The following ANO6 variants were observed in gnomAD, a reference collection of about 807,000 sequenced individuals.
ANO6 encodes the protein anoctamin 6.
ANO6 carries 106 observed loss-of-function variants against 117.5 expected under a neutral mutation model. The observed-to-expected ratio is 0.90, with a 90% CI of 0.77 to 1.06. ANO6 has a LOEUF of 1.06. Ranked by LOEUF, ANO6 falls within the 50% of genes least tolerant of loss-of-function variation. The pLI, the probability that ANO6 is intolerant of heterozygous loss-of-function variation, is 0.00. For missense variants in ANO6, 955 were observed against 1,121.1 expected, an observed-to-expected ratio of 0.85 and a Z score of 2.12; for synonymous variants, 367 against 385.1, an observed-to-expected ratio of 0.95 and a Z score of 0.55.
chr12:45,233,554 TA>T (rs1205598479), intron 1 of ANO6, among the ~76,000 whole-genome samples: 2 of 152,220 alleles, frequency 1.3e-5, no homozygotes, highest in Non-Finnish European at 2.9e-5. Context: ...AGATCAAGTA[TA>T]AGAAATATTA....
chr12:45,329,405 G>A (rs1467263872), intron 2 of ANO6, among the ~76,000 whole-genome samples: 1 of 152,054 alleles, frequency 6.6e-6, no homozygotes, highest in Non-Finnish European at 1.5e-5. Flanking sequence ...TTACACACAG[G>A]CAAATGTTGC....
At chr12:45,254,031 G>C (rs535143120) in intron 1 of ANO6, among the ~76,000 whole-genome samples, 34 of 152,170 alleles carry the variant, frequency 2.2e-4, no homozygotes, top group Non-Finnish European at 4.3e-4. Flanking sequence ...GCTGGGCATG[G>C]TGGTGTGCGT....
At chr12:45,354,534 G>A (rs1941362814) in intron 7 of ANO6, among the ~76,000 whole-genome samples, 1 of 152,126 alleles carries the variant, frequency 6.6e-6, no homozygotes. Context: ...ACACAGTTCT[G>A]TGATGGGGCT....
intron 2 of ANO6, among the ~76,000 whole-genome samples, chr12:45,306,987 G>A (rs900717455): frequency 2.2e-4 from 33 of 151,994 alleles, no homozygotes; most frequent in Admixed American, 8.5e-4. Context: ...AACAGGTTTC[G>A]AGGTAGGTGA....
rs1406467778 is a variant in ANO6 at position 45,421,281 on chromosome 12, C to T, written c.2420+8C>T. 8 of 1,613,390 alleles carry T rather than the reference C, an allele frequency of 5.0e-6. No individual in the cohort carries two copies. The highest frequency in any genetic ancestry group is 5.9e-6 in the Non-Finnish European group (7 of 1,179,536). On this transcript the variant is annotated splice_region_variant and intron_variant, in intron 18 of 19. Coordinates refer to ENST00000320560, the MANE Select transcript of ANO6 (RefSeq NM_001025356.3). ...TAACCATACCACATGCAGGCAAGTT[C>T]TGCTTTACTTGTTTAAAAATGCACT...
chr12:45,375,263 A>G lies in ANO6; in HGVS notation c.1105-2790A>G, dbSNP rs185002033. On this transcript the variant is annotated intron_variant, in intron 9 of 19. Transcript: ENST00000320560. ...ATTGGTAGGAAGAATCAATATCGTGAAAATGGCCATACTTCCCAAGGTAAT... is the reference window on the plus strand; with the variant it reads ...ATTGGTAGGAAGAATCAATATCGTGGAAATGGCCATACTTCCCAAGGTAAT... 6.7e-3 allele frequency among the ~76,000 whole-genome samples: 1,020 copies of G among 152,346 alleles called. 10 individuals are homozygous for G. Among genetic ancestry groups the G allele is most frequent in the Non-Finnish European group, 0.01 (693 of 68,034 alleles).
At chr12:45,243,904 G>A (rs566721219) in intron 1 of ANO6, among the ~76,000 whole-genome samples, 1 of 152,322 alleles carries the variant, frequency 6.6e-6, no homozygotes, top group African/African-American at 2.4e-5. Context: ...TTCAGGCATA[G>A]TATAGATTGC....
intron 12 of ANO6, among the ~76,000 whole-genome samples, chr12:45,394,445 G>C (rs1264201387): frequency 6.6e-6 from 1 of 152,118 alleles, no homozygotes; most frequent in East Asian, 1.9e-4. Flanking sequence ...CAAGACAGAA[G>C]GTTAACAAGG....
At chr12:45,382,288 G>A (rs1942188731) in intron 10 of ANO6, among the ~76,000 whole-genome samples, 2 of 152,058 alleles carry the variant, frequency 1.3e-5, no homozygotes, top group South Asian at 2.1e-4. Flanking sequence ...TCTTTCTATC[G>A]GAAAAATAAG....
At chr12:45,381,768 AT>A (rs1202540397) in intron 10 of ANO6, among the ~76,000 whole-genome samples, 1 of 152,140 alleles carries the variant, frequency 6.6e-6, no homozygotes, top group African/African-American at 2.4e-5. Flanking sequence ...AAACAGAAGC[AT>A]TTTACCCAGT....
intron 1 of ANO6, among the ~76,000 whole-genome samples, chr12:45,282,448 T>C (rs902265793): frequency 2.6e-5 from 4 of 152,132 alleles, no homozygotes; most frequent in Non-Finnish European, 5.9e-5. Context: ...TGGAAGACCC[T>C]CTAAGAGAAT....
intron 2 of ANO6, among the ~76,000 whole-genome samples, chr12:45,321,495 A>G (rs1940269112): frequency 6.6e-6 from 1 of 152,178 alleles, no homozygotes; most frequent in African/African-American, 2.4e-5. Flanking sequence ...CATTACCTTC[A>G]GTCTCAACAG....
intron 1 of ANO6, among the ~76,000 whole-genome samples, chr12:45,221,177 C>T (rs1033545829): frequency 6.6e-6 from 1 of 152,176 alleles, no homozygotes; most frequent in Non-Finnish European, 1.5e-5. Context: ...CATTGCTGAA[C>T]AACTACTTGC....
At chr12:45,370,040 T>A (rs1941784035) in intron 9 of ANO6, among the ~76,000 whole-genome samples, 1 of 152,250 alleles carries the variant, frequency 6.6e-6, no homozygotes, top group Non-Finnish European at 1.5e-5. Context: ...TGCCTACATA[T>A]GCAGCTCTTT....
chr12:45,364,578 G>A (rs995352570), intron 8 of ANO6, among the ~76,000 whole-genome samples: 13 of 151,932 alleles, frequency 8.6e-5, no homozygotes, highest in East Asian at 3.9e-4. Flanking sequence ...CATATCTGCC[G>A]AGGAGCCCTT....
chr12:45,397,659 A>C (rs1942659355), intron 12 of ANO6, among the ~76,000 whole-genome samples: 1 of 152,162 alleles, frequency 6.6e-6, no homozygotes. Context: ...GCAGCCATAA[A>C]AAAGGATGAG....
intron 3 of ANO6, among the ~76,000 whole-genome samples, chr12:45,346,647 C>T (rs1165365198): frequency 1.3e-5 from 2 of 152,132 alleles, no homozygotes; most frequent in East Asian, 1.9e-4. Flanking sequence ...TCTGAAAACT[C>T]GTATCAGTGA....
At chr12:45,352,846 G>A (rs765858607) in intron 7 of ANO6, among the ~76,000 whole-genome samples, 2 of 152,106 alleles carry the variant, frequency 1.3e-5, no homozygotes, top group African/African-American at 2.4e-5. Context: ...ATGGTCAAGA[G>A]GTTGCAGTTA....
intron 1 of ANO6, among the ~76,000 whole-genome samples, chr12:45,274,272 G>A (rs966140897): frequency 1.3e-5 from 2 of 151,986 alleles, no homozygotes; most frequent in Admixed American, 1.3e-4. Context: ...TACAGCTGTC[G>A]GCTTTACTTC....
Sources: allele counts gnomAD v4.1 joint callset (sites outside exome capture counted in the v4.1 genomes callset), GRCh38; gene constraint gnomAD v4.1.1; transcripts MANE v1.5; gene names NCBI Gene and HGNC (gene_info 2026-07-23, HGNC 2026-07-21).